Variants in PAX6 observed in about 807,000 individuals in gnomAD.
PAX6 encodes the protein paired box protein Pax-6.
Under a neutral mutation model 60.7 loss-of-function variants are expected in PAX6, and 7 were observed. The observed-to-expected ratio is 0.12, with a 90% CI of 0.07 to 0.22. PAX6 has a LOEUF of 0.22. Ranked by LOEUF, PAX6 falls within the 10% of genes least tolerant of loss-of-function variation. The probability of loss-of-function intolerance (pLI) is 1.00; values close to 1 mark genes in which losing one functional copy is unlikely to be tolerated. For synonymous variants in PAX6, 208 were observed against 201.2 expected (o/e 1.03, Z -0.29); for missense variants, 355 against 555.2 (o/e 0.64, Z 3.62).
intron 4 of PAX6, 42 bp downstream of exon 4, chr11:31,806,360 G>A: frequency 1.9e-6 from 3 of 1,595,248 alleles, no homozygotes; most frequent in East Asian, 2.3e-5. Flanking sequence ...TCGGGTCCGC[G>A]CACCCCGAGC....
chr11:31,797,978 G>A (rs1447556539), intron 8 of PAX6, among the ~76,000 whole-genome samples: 2 of 112,490 alleles, frequency 1.8e-5, no homozygotes, highest in Non-Finnish European at 3.8e-5. Context: ...TTTCCTGGAA[G>A]GAGGTGAGAG....
At chr11:31,790,089 TAGG>T in intron 13 of PAX6, 70 bp from the exon 14 acceptor site, 1 of 365,272 alleles carries the variant, frequency 2.7e-6, no homozygotes. Context: ...TACAAATTTA[TAGG>T]TTTACAAAAA....
At chr11:31,796,876 G>A (rs577377465) in intron 8 of PAX6, among the ~76,000 whole-genome samples, 8 of 152,054 alleles carry the variant, frequency 5.3e-5, no homozygotes, top group Non-Finnish European at 1.0e-4. Context: ...AGAAAGGTGG[G>A]GGTCGAGGAG....
upstream of PAX6, chr11:31,811,678 A>G (rs1337100526): frequency 1.3e-5 from 2 of 155,598 alleles, no homozygotes; most frequent in Non-Finnish European, 2.8e-5. Flanking sequence ...GGAGGGTGCA[A>G]GTTTCTGTGC....
At chr11:31,802,212 A>G (rs1954216297) in intron 5 of PAX6, 2 of 420,298 alleles carry the variant, frequency 4.8e-6, no homozygotes, top group Non-Finnish European at 8.5e-6. Flanking sequence ...TTCTTTAAAA[A>G]ATACTCAATT....
chr11:31,816,665 T>C (rs1957393347), intron 1 of PAX6: 1 of 700,278 alleles, frequency 1.4e-6, no homozygotes, highest in Non-Finnish European at 2.6e-6. Flanking sequence ...GGACTGCCAC[T>C]GCGCTCGTCC....
In PAX6 at chr11:31,790,780, G is replaced by A. The variant is rs1949664483; in HGVS notation, c.1155C>T (p.Thr385=). 6.2e-7 allele frequency: 1 copy of A among 1,614,000 alleles called. No individual in the cohort carries two copies. Among genetic ancestry groups the A allele is most frequent in the South Asian group, 1.1e-5 (1 of 91,086 alleles). ...GTGTCTGCATATGTGGGGGGGTGTA[G>A]GTATCATAACTCCGCCCATTCACCG... The part of the protein sequence containing the change: ...SPSVNGRSYD[T]YTPPHMQTHM... Residue 385 remains threonine, a synonymous_variant, in exon 13 of 14, where the codon ACC becomes ACT. Coordinates refer to ENST00000640368, the MANE Select transcript of PAX6 (RefSeq NM_001368894.2).
At chr11:31,804,063 G>A (rs1185375410) in intron 4 of PAX6, 3 of 152,178 alleles carry the variant, frequency 2.0e-5, no homozygotes, top group Non-Finnish European at 2.9e-5. Context: ...TTGACGCCAG[G>A]AGCCTGAGCT....
upstream of PAX6, among the ~76,000 whole-genome samples, chr11:31,813,672 C>T (rs564644599): frequency 6.6e-6 from 1 of 152,144 alleles, no homozygotes; most frequent in South Asian, 2.1e-4. Context: ...GAAGGGGGCT[C>T]CGGGAAAGAC....
intron 1 of PAX6, among the ~76,000 whole-genome samples, chr11:31,817,277 A>G (rs1429226959): frequency 6.6e-6 from 1 of 152,268 alleles, no homozygotes. Flanking sequence ...TTTCTGAGAA[A>G]CGAACCCCAT....
chr11:31,793,918 C>G lies in PAX6; in HGVS notation c.807+114G>C, dbSNP rs537827893. The G allele has an allele frequency of 8.2e-5, 110 of 1,345,342 alleles. No individual in the cohort carries two copies. The African/African-American group carries it at 1.5e-3, about 19-fold the overall frequency. The allele number at this position is 1,345,342 out of a possible 1,614,324, so 83.3% of individuals were successfully genotyped here. A position where few individuals can be genotyped will look rare whatever the true frequency, so the allele number is the denominator to read the frequency against. ...GCAGCAGAGCATTTAGCAGACTGAA[C>G]CTTTTTATTATATTAGTCCTATAAA... On this transcript the variant is annotated intron_variant, in intron 10 of 13. Transcript: ENST00000640368.
Position 31,789,562 on chromosome 11 carries a change from TC to T in PAX6, c.*371del. The T allele has an allele frequency of 5.0e-6, 3 of 604,400 alleles. No homozygotes were observed. The highest frequency in any genetic ancestry group is 8.7e-6 in the Non-Finnish European group (3 of 344,422). 37.4% of individuals were successfully genotyped at this position (604,400 alleles called of 1,614,324 possible). ...TTAAATTCGTGGCAAAGCTTGTTGA[TC>T]ATGGTTTTCTTTTTAAAAAAAAAAA... is the stretch of plus-strand genomic sequence containing the variant. On this transcript the variant is annotated 3_prime_UTR_variant, in exon 14 of 14. Coordinates refer to ENST00000640368, the MANE Select transcript of PAX6 (RefSeq NM_001368894.2).
chr11:31,793,940 T>C (rs1284506027), intron 10 of PAX6, 92 bp downstream of exon 10: 8 of 1,261,794 alleles, frequency 6.3e-6, no homozygotes, highest in Non-Finnish European at 8.1e-6. Context: ...ATTAGTCCTA[T>C]AAATAAATAG....
Position 31,811,313 on chromosome 11 carries a change from C to T in PAX6, c.-515G>A. The T allele has an allele frequency of 2.5e-6, 1 of 398,502 alleles. No homozygotes were observed. The highest frequency in any genetic ancestry group is 3.6e-5 in the East Asian group (1 of 28,088). The allele number at this position is 398,502 out of a possible 1,614,324, so 24.7% of individuals were successfully genotyped here. A position where few individuals can be genotyped will look rare whatever the true frequency, so the allele number is the denominator to read the frequency against. On this transcript the variant is annotated 5_prime_UTR_variant, in exon 1 of 14. Transcript: ENST00000640368. ...CCCTTTTCAAACCCACTAATCACTCCGCAACATGCAAATGCACCGCTCGCT... is the reference window on the plus strand; with the variant it reads ...CCCTTTTCAAACCCACTAATCACTCTGCAACATGCAAATGCACCGCTCGCT...
intron 2 of PAX6, chr11:31,809,977 A>AG (rs2135390322): frequency 6.6e-6 from 1 of 152,460 alleles, no homozygotes; most frequent in South Asian, 2.1e-4. Flanking sequence ...AGTCGGGGGA[A>AG]GCCTGGGGAG....
At chr11:31,799,746 C>T (rs1026470386) in intron 8 of PAX6, among the ~76,000 whole-genome samples, 4 of 152,150 alleles carry the variant, frequency 2.6e-5, no homozygotes, top group Admixed American at 2.0e-4. Context: ...CTCGCAGTCC[C>T]GCGCGCCGCC....
At chr11:31,797,048 A>G (rs922003058) in intron 8 of PAX6, among the ~76,000 whole-genome samples, 1 of 152,126 alleles carries the variant, frequency 6.6e-6, no homozygotes, top group African/African-American at 2.4e-5. Context: ...TTTGGTGAAG[A>G]AGGAAGACTG....
chr11:31,791,359 T>C (rs1949906784), intron 12 of PAX6: 1 of 216,434 alleles, frequency 4.6e-6, no homozygotes, highest in South Asian at 8.0e-5. Flanking sequence ...GGATTAAAGA[T>C]TCTTTGAAGA....
At chr11:31,790,997 T>G in intron 12 of PAX6, 137 bp from the exon 13 acceptor site, 19 of 914,488 alleles carry the variant, frequency 2.1e-5, no homozygotes, top group African/African-American at 3.3e-5. Flanking sequence ...TGGAATTCCA[T>G]ATGATAAATC....
Sources: gnomAD v4.1 joint callset for allele counts (sites outside exome capture counted in the v4.1 genomes callset) on GRCh38, gnomAD v4.1.1 for gene constraint, MANE v1.5 for transcripts, NCBI Gene and HGNC (gene_info 2026-07-23, HGNC 2026-07-21) for gene names.